AHCTF1: variants seen among roughly 807,000 people sequenced by gnomAD.
AHCTF1 encodes AT-hook containing transcription factor 1, also known as protein ELYS.
A neutral mutation model predicts 248.4 loss-of-function variants in AHCTF1; 24 were observed. The ratio of observed to expected loss-of-function variants is 0.10; its 90% CI spans 0.07 to 0.14. The LOEUF (loss-of-function observed/expected upper bound fraction) is 0.14, where lower values mean the gene tolerates loss of function less well. Among genes scored for constraint, AHCTF1 ranks in the 10% least tolerant of loss-of-function variants. AHCTF1 has a pLI of 1.00. For synonymous variants in AHCTF1, 786 were observed against 929.8 expected (o/e 0.85, Z 2.81); for missense variants, 2,206 against 2,636.2 (o/e 0.84, Z 3.57).
intron 14 of AHCTF1, 134 bp from the exon 15 acceptor site, chr1:246,892,053 T>A (rs554937308): frequency 3.8e-6 from 4 of 1,061,554 alleles, no homozygotes; most frequent in Non-Finnish European, 5.3e-6. Flanking sequence ...AAAGACAAGC[T>A]AGAAATGGCA....
chr1:246,910,994 T>C (rs1665759312), intron 4 of AHCTF1, among the ~76,000 whole-genome samples: 1 of 152,220 alleles, frequency 6.6e-6, no homozygotes, highest in Admixed American at 6.5e-5. Flanking sequence ...ACAGTTGTAA[T>C]CATAAATTAC....
At chr1:246,922,619 C>T (rs1187344698) in intron 1 of AHCTF1, among the ~76,000 whole-genome samples, 1 of 151,424 alleles carries the variant, frequency 6.6e-6, no homozygotes, top group South Asian at 2.1e-4. Context: ...GTCTTGAACT[C>T]CTGGGTTCCA....
intron 21 of AHCTF1, among the ~76,000 whole-genome samples, chr1:246,877,529 T>C (rs1330604139): frequency 1.3e-5 from 2 of 150,834 alleles, no homozygotes; most frequent in East Asian, 3.9e-4. Flanking sequence ...AGATATAAAA[T>C]AATAAAAAAG....
At chr1:246,842,872 T>C in intron 34 of AHCTF1, 96 bp from the exon 35 acceptor site, 2 of 1,067,436 alleles carry the variant, frequency 1.9e-6, no homozygotes, top group South Asian at 1.4e-5. Flanking sequence ...CAAACACTGA[T>C]GAATTCAAAC....
At chr1:246,860,379 G>C (rs1274107327) in intron 29 of AHCTF1, among the ~76,000 whole-genome samples, 1 of 152,114 alleles carries the variant, frequency 6.6e-6, no homozygotes, top group Non-Finnish European at 1.5e-5. Context: ...TTCCTTAAAT[G>C]TTACTATTCT....
chr1:246,846,586 G>A (rs1660277194), intron 33 of AHCTF1, among the ~76,000 whole-genome samples: 1 of 151,898 alleles, frequency 6.6e-6, no homozygotes, highest in South Asian at 2.1e-4. Flanking sequence ...ATTCTAGCAG[G>A]TGCCTATTTT....
chr1:246,843,626 G>A (rs143519690), intron 34 of AHCTF1, among the ~76,000 whole-genome samples, 169 bp downstream of exon 34: 51 of 152,086 alleles, frequency 3.4e-4, no homozygotes, highest in Middle Eastern at 6.8e-3. Context: ...GGGTGGATAC[G>A]ACCATTTTTG....
intron 35 of AHCTF1, among the ~76,000 whole-genome samples, chr1:246,841,682 A>G (rs1489394561): frequency 6.6e-6 from 1 of 152,216 alleles, no homozygotes; most frequent in African/African-American, 2.4e-5. Context: ...TTTCCTGACA[A>G]AGAGGTAAAC....
intron 26 of AHCTF1, among the ~76,000 whole-genome samples, chr1:246,866,688 G>GA (rs1410414985): frequency 6.6e-5 from 10 of 151,944 alleles, no homozygotes; most frequent in Admixed American, 6.6e-4. Flanking sequence ...TAAGGACAAA[G>GA]AATCAATACA....
At chr1:246,877,962 C>T (rs1663097902) in intron 21 of AHCTF1, among the ~76,000 whole-genome samples, 1 of 151,204 alleles carries the variant, frequency 6.6e-6, no homozygotes, top group Non-Finnish European at 1.5e-5. Context: ...ACTCATACCC[C>T]ACCGACAGGA....
chr1:246,872,636 A>G (rs1382998193), intron 24 of AHCTF1, among the ~76,000 whole-genome samples: 1 of 152,202 alleles, frequency 6.6e-6, no homozygotes, highest in Non-Finnish European at 1.5e-5. Flanking sequence ...AATAAAACAT[A>G]AGGATCACGC....
In AHCTF1 at chr1:246,877,222, T is replaced by C; in HGVS notation, c.2741A>G (p.Glu914Gly). 1 of 1,613,438 alleles carries C rather than the reference T, an allele frequency of 6.2e-7. No individual in the cohort carries two copies. The highest frequency in any genetic ancestry group is 1.1e-5 in the South Asian group (1 of 90,904). ...NIEELLKHMY[E>G]VCQEMGLMED... ...CATCAAGCCCATTTCCTGACAGACT[T>C]CATACATGTGCTTCAGTAACTCCTC... is the stretch of plus-strand genomic sequence containing the variant. Residue 914 changes from glutamate to glycine, a missense_variant, in exon 22 of 36, where the codon GAA (glutamate) becomes GGA (glycine). By Grantham distance (98) the Glu-to-Gly change is moderately conservative. Coordinates refer to ENST00000648844, the MANE Select transcript of AHCTF1 (RefSeq NM_001323342.2).
At chr1:246,865,804 TTGCA>T (rs1464845167) in intron 26 of AHCTF1, among the ~76,000 whole-genome samples, 4 of 152,174 alleles carry the variant, frequency 2.6e-5, no homozygotes, top group African/African-American at 9.7e-5. Flanking sequence ...ATGTTAAATA[TTGCA>T]TTAGGTCTCA....
At chr1:246,888,119 C>G (rs755483516) in intron 19 of AHCTF1, 58 bp downstream of exon 19, 12 of 1,574,286 alleles carry the variant, frequency 7.6e-6, no homozygotes, top group Non-Finnish European at 1.0e-5. Context: ...TTCCACTACT[C>G]TTGAAATTTT....
At chr1:246,916,659 A>G (rs1419867331) in intron 2 of AHCTF1, among the ~76,000 whole-genome samples, 3 of 152,152 alleles carry the variant, frequency 2.0e-5, no homozygotes, top group Non-Finnish European at 4.4e-5. Context: ...ATCTCAAATA[A>G]TAATAATAAT....
Position 246,907,553 on chromosome 1 carries a change from TCTTTTCATG to T in AHCTF1, c.753_761del (p.Ser251_Lys253del), listed in dbSNP as rs1293705545. Reference sequence around the variant, plus strand: ...TAAGGGAAAAAAGTTATACTTACTCTCTTTTCATGCTTTTCATGTTCCAAAGTGCTAGAT... The same window carrying T: ...TAAGGGAAAAAAGTTATACTTACTCTCTTTTCATGTTCCAAAGTGCTAGAT... On this transcript the variant is annotated inframe_deletion, in exon 5 of 36. Coordinates refer to ENST00000648844, the MANE Select transcript of AHCTF1 (RefSeq NM_001323342.2). The T allele has an allele frequency of 6.2e-7, 1 of 1,612,438 alleles. No homozygotes were observed. The highest frequency in any genetic ancestry group is 8.5e-7 in the Non-Finnish European group (1 of 1,179,262).
At chr1:246,920,526 C>A (rs188573798) in intron 1 of AHCTF1, among the ~76,000 whole-genome samples, 1 of 152,142 alleles carries the variant, frequency 6.6e-6, no homozygotes, top group Non-Finnish European at 1.5e-5. Context: ...AACCCCAGCA[C>A]TTTGGGAGGC....
rs995743687 is a variant in AHCTF1 at position 246,840,016 on chromosome 1, C to A, written c.*790G>T. On this transcript the variant is annotated 3_prime_UTR_variant, in exon 36 of 36. Transcript: ENST00000648844. ...ATATTATAAAAATTTGTTCAGACATCTCATCCTATCAATATTAGGCACATA... is the reference window on the plus strand; with the variant it reads ...ATATTATAAAAATTTGTTCAGACATATCATCCTATCAATATTAGGCACATA... 3.3e-5 allele frequency: 5 copies of A among 152,510 alleles called. No individual in the cohort carries two copies. Among genetic ancestry groups the A allele is most frequent in the African/African-American group, 9.7e-5 (4 of 41,442 alleles). 9.4% of individuals were successfully genotyped at this position (152,510 alleles called of 1,614,324 possible). A position where few individuals can be genotyped will look rare whatever the true frequency, so the allele number is the denominator to read the frequency against.
intron 1 of AHCTF1, among the ~76,000 whole-genome samples, chr1:246,920,967 C>G (rs1411125308): frequency 1.3e-5 from 2 of 151,592 alleles, no homozygotes; most frequent in Admixed American, 6.6e-5. Flanking sequence ...TGGCGCATGC[C>G]TGTAATCTCA....
Sources: gnomAD v4.1 joint callset for allele counts (sites outside exome capture counted in the v4.1 genomes callset) on GRCh38, gnomAD v4.1.1 for gene constraint, MANE v1.5 for transcripts, NCBI Gene and HGNC (gene_info 2026-07-23, HGNC 2026-07-21) for gene names.